Variants in PARD3 observed in about 807,000 individuals in gnomAD.
PARD3 encodes the protein partitioning defective 3 homolog.
Under a neutral mutation model 155.4 loss-of-function variants are expected in PARD3, and 75 were observed. That is an observed-to-expected ratio of 0.48 (90% CI 0.40 to 0.58). PARD3 has a LOEUF of 0.58. Among genes scored for constraint, PARD3 ranks in the 20% least tolerant of loss-of-function variants. The pLI is 0.00. For synonymous variants in PARD3, 576 were observed against 610.5 expected, an observed-to-expected ratio of 0.94 and a Z score of 0.83; for missense variants, 1,642 against 1,721.7, an observed-to-expected ratio of 0.95 and a Z score of 0.82.
chr10:34,521,315 T>G (rs367889091), intron 2 of PARD3, among the ~76,000 whole-genome samples: 20 of 135,238 alleles, frequency 1.5e-4, no homozygotes, highest in Middle Eastern at 4.6e-3. Context: ...CTGGGAAAGA[T>G]ATATAATTTT....
intron 1 of PARD3, among the ~76,000 whole-genome samples, chr10:34,812,691 T>C (rs892859210): frequency 3.9e-5 from 6 of 152,138 alleles, no homozygotes; most frequent in African/African-American, 1.4e-4. Flanking sequence ...AAAATTCACC[T>C]ACAGAACTCT....
At chr10:34,212,487 C>T (rs1005481892) in intron 22 of PARD3, among the ~76,000 whole-genome samples, 1 of 152,164 alleles carries the variant, frequency 6.6e-6, no homozygotes, top group Non-Finnish European at 1.5e-5. Context: ...AGTCTGAATA[C>T]TCTGCTAGGC....
chr10:34,494,988 T>G lies in PARD3; in HGVS notation c.403+21991A>C, dbSNP rs1165687281. On this transcript the variant is annotated intron_variant, in intron 3 of 24. Coordinates refer to ENST00000374788, the MANE Select transcript of PARD3 (RefSeq NM_001184785.2). ...CAGACATTCCACACTAGGAAAAACC[T>G]CTTCAAAACTTAGCACCATGACTGT... 2.0e-5 allele frequency among the ~76,000 whole-genome samples: 3 copies of G among 152,142 alleles called. No individual in the cohort carries two copies. The East Asian group carries it at 5.8e-4, about 29-fold the overall frequency.
chr10:34,344,075 A>G (rs17472443), intron 15 of PARD3: 90,683 of 949,878 alleles, frequency 0.095, 4,679 homozygotes, highest in Non-Finnish European at 0.1. Flanking sequence ...TATACAAACT[A>G]CTGAGATAAA....
At chr10:34,453,334 ATTTTAC>A (rs2077162609) in intron 4 of PARD3, among the ~76,000 whole-genome samples, 2 of 152,170 alleles carry the variant, frequency 1.3e-5, no homozygotes, top group Admixed American at 6.5e-5. Context: ...CTCTGTTCTA[ATTTTAC>A]TTTAACTATG....
At chr10:34,532,937 G>C (rs939062632) in intron 2 of PARD3, among the ~76,000 whole-genome samples, 1 of 152,098 alleles carries the variant, frequency 6.6e-6, no homozygotes, top group African/African-American at 2.4e-5. Flanking sequence ...TAAACCTGGA[G>C]GTATACCCTA....
intron 12 of PARD3, among the ~76,000 whole-genome samples, chr10:34,362,294 G>A (rs998705921): frequency 3.9e-5 from 6 of 151,958 alleles, no homozygotes; most frequent in Admixed American, 6.6e-5. Flanking sequence ...GCAAGACTCT[G>A]TCCCATAACA....
intron 5 of PARD3, among the ~76,000 whole-genome samples, chr10:34,422,632 T>G (rs548459683): frequency 4.6e-5 from 7 of 151,428 alleles, no homozygotes; most frequent in Non-Finnish European, 1.0e-4. Flanking sequence ...ATAATCTGAA[T>G]AGACATTTCT....
At chr10:34,599,140 G>T (rs962546960) in intron 2 of PARD3, among the ~76,000 whole-genome samples, 1 of 152,016 alleles carries the variant, frequency 6.6e-6, no homozygotes. Flanking sequence ...ACAAGCAACC[G>T]CATCCCCACT....
chr10:34,688,598 C>CA (rs1296145386), intron 2 of PARD3, among the ~76,000 whole-genome samples: 1 of 152,156 alleles, frequency 6.6e-6, no homozygotes, highest in Non-Finnish European at 1.5e-5. Flanking sequence ...TTTTTACACT[C>CA]AAAGAGATCT....
chr10:34,470,093 C>T lies in PARD3; in HGVS notation c.574G>A (p.Asp192Asn), dbSNP rs762091421. 26 of 1,597,420 alleles carry T rather than the reference C, an allele frequency of 1.6e-5. No homozygotes were observed. The highest frequency in any genetic ancestry group is 3.4e-4 in the Middle Eastern group (2 of 5,918). ...QNTAGSPKTCDRKKDENYRSL... is the reference protein window; with the variant it reads ...QNTAGSPKTCNRKKDENYRSL... ...CAAGCAGAGGTGGTTACCTTCCTGTCGCAGGTTTTAGGACTCCCAGCAGTG... is the reference window on the plus strand; with the variant it reads ...CAAGCAGAGGTGGTTACCTTCCTGTTGCAGGTTTTAGGACTCCCAGCAGTG... The change falls in exon 4 of 25, where the codon GAC becomes AAC. Residue 192 changes from aspartate (D) to asparagine (N), a missense_variant. Transcript: ENST00000374788.
In PARD3 at chr10:34,284,145, CCTGCTT is replaced by C. The variant is rs775066405; in HGVS notation, c.3160_3165del (p.Lys1054_Gln1055del). 3.8e-6 allele frequency: 6 copies of C among 1,588,376 alleles called. No individual in the cohort carries two copies. Among genetic ancestry groups the C allele is most frequent in the Non-Finnish European group, 5.2e-6 (6 of 1,162,164 alleles). ...GTAACTGAAGTCTACCTCTCCTGCT[CCTGCTT>C]CATTCGTATCCTCTCCTCTTCTGAT... is the stretch of plus-strand genomic sequence containing the variant. On this transcript the variant is annotated inframe_deletion, in exon 21 of 25. Transcript: ENST00000374788.
chr10:34,761,372 C>CT (rs1358584795), intron 1 of PARD3, among the ~76,000 whole-genome samples: 1 of 152,198 alleles, frequency 6.6e-6, no homozygotes, highest in African/African-American at 2.4e-5. Context: ...AATCACACCA[C>CT]TGCACTCCAG....
intron 10 of PARD3, 114 bp downstream of exon 10, chr10:34,377,853 C>T (rs868324213): frequency 2.6e-5 from 18 of 700,568 alleles, no homozygotes; most frequent in Middle Eastern, 3.4e-4. Flanking sequence ...CGCATACTTC[C>T]GCTAAAATGT....
chr10:34,770,085 C>T (rs9418117), intron 1 of PARD3, among the ~76,000 whole-genome samples: 39,262 of 151,972 alleles, frequency 0.26, 5,510 homozygotes, highest in East Asian at 0.54. Context: ...CAAGACCCTC[C>T]GGGACAGTCA....
At chr10:34,228,640 T>A (rs1353213253) in intron 22 of PARD3, among the ~76,000 whole-genome samples, 1 of 152,066 alleles carries the variant, frequency 6.6e-6, no homozygotes, top group African/African-American at 2.4e-5. Context: ...GTGAATTATA[T>A]GATATGAACA....
intron 22 of PARD3, among the ~76,000 whole-genome samples, chr10:34,223,614 C>T (rs1016889956): frequency 5.3e-5 from 8 of 152,154 alleles, no homozygotes; most frequent in African/African-American, 1.9e-4. Context: ...GGATAAAAAA[C>T]AATCAAGAGA....
At chr10:34,197,783 G>A (rs1951017001) in intron 22 of PARD3, among the ~76,000 whole-genome samples, 1 of 152,212 alleles carries the variant, frequency 6.6e-6, no homozygotes, top group Non-Finnish European at 1.5e-5. Context: ...AGGCTGGAGT[G>A]AAGTGGTGCG....
intron 2 of PARD3, among the ~76,000 whole-genome samples, chr10:34,529,222 A>G (rs1027823714): frequency 2.0e-5 from 3 of 152,170 alleles, no homozygotes; most frequent in Non-Finnish European, 2.9e-5. Context: ...ATCCAATCTG[A>G]ATGCGGATCA....
Sources: allele counts gnomAD v4.1 joint callset (sites outside exome capture counted in the v4.1 genomes callset), GRCh38; gene constraint gnomAD v4.1.1; transcripts MANE v1.5; gene names NCBI Gene and HGNC (gene_info 2026-07-23, HGNC 2026-07-21).